The following BRPF1 variants were observed in gnomAD, a reference collection of about 807,000 sequenced individuals.
BRPF1 encodes peregrin.
A neutral mutation model predicts 115.0 loss-of-function variants in BRPF1; 15 were observed. That is an observed-to-expected ratio of 0.13 (90% confidence interval 0.09 to 0.20). The LOEUF (loss-of-function observed/expected upper bound fraction) is 0.20, where lower values mean the gene tolerates loss of function less well. BRPF1 is among the 10% of genes least tolerant of loss of function. BRPF1 has a pLI of 1.00. For missense variants in BRPF1, 1,118 were observed against 1,638.3 expected (o/e 0.68, Z 5.48); for synonymous variants, 647 against 619.8 (o/e 1.04, Z -0.65).
chr3:9,739,788 G>T lies in BRPF1; in HGVS notation c.1389G>T (p.Glu463Asp), dbSNP rs1460862670. ...ARRLPALSHS[E>D]GEEDEDEEED... ...GACTGCCTGCCCTGTCCCACAGCGA[G>T]GGTGAGGAGGATGAAGATGAGGAGG... is the stretch of plus-strand genomic sequence containing the variant. Residue 463 changes from glutamate to aspartate, a missense_variant, in exon 3 of 14, where the codon GAG becomes GAT. This residue lies in a region of BRPF1 where 87 missense variants were observed against 93.4 expected (regional missense o/e 0.93). Coordinates refer to ENST00000383829, the MANE Select transcript of BRPF1 (RefSeq NM_001003694.2). The T allele has an allele frequency of 1.2e-6, 2 of 1,613,566 alleles. No individual in the cohort carries two copies. The highest frequency in any genetic ancestry group is 1.7e-6 in the Non-Finnish European group (2 of 1,179,712).
intron 2 of BRPF1, among the ~76,000 whole-genome samples, chr3:9,736,741 T>TA (rs2076948523): frequency 6.6e-6 from 1 of 152,252 alleles, no homozygotes; most frequent in East Asian, 1.9e-4. Flanking sequence ...CCACTGTTGG[T>TA]AAAACTGCCC....
chr3:9,737,560 GC>G (rs1460753137), intron 2 of BRPF1, among the ~76,000 whole-genome samples: 1 of 152,210 alleles, frequency 6.6e-6, no homozygotes, highest in Non-Finnish European at 1.5e-5. Context: ...GTGTGTGCTG[GC>G]CCACTCTAGC....
At chr3:9,744,529 GC>G in intron 9 of BRPF1, 21 bp downstream of exon 9, 1 of 1,484,102 alleles carries the variant, frequency 6.7e-7, no homozygotes, top group African/African-American at 1.4e-5. Context: ...CCATCACCCA[GC>G]CCCCCAAGAG....
At position 9,746,452 on chromosome 3, in the gene BRPF1, C is replaced by T; in HGVS notation, c.3477C>T (p.Thr1159=). 6.3e-7 allele frequency: 1 copy of T among 1,576,798 alleles called. No individual in the cohort carries two copies. The highest frequency in any genetic ancestry group is 8.7e-7 in the Non-Finnish European group (1 of 1,155,820). Reference sequence around the variant, plus strand: ...TCCTCTTCTTTGACAACAAACGAACCTGGTAAGGAGGGGAGCATTTGGTGT... The same window carrying T: ...TCCTCTTCTTTGACAACAAACGAACTTGGTAAGGAGGGGAGCATTTGGTGT... ...YLVLFFDNKR[T]WQWLPRTKLV... The change falls in exon 13 of 14, where the codon ACC becomes ACT. Residue 1159 remains threonine, a splice_region_variant and synonymous_variant. Transcript: ENST00000383829.
rs1162924901 is a variant in BRPF1 at position 9,745,148 on chromosome 3, C to T, written c.3061C>T (p.Arg1021Trp). 4 of 1,614,062 alleles carry T rather than the reference C, an allele frequency of 2.5e-6. No individual in the cohort carries two copies. Among genetic ancestry groups the T allele is most frequent in the African/African-American group, 1.3e-5 (1 of 75,062 alleles). ...SSSSSSAASD[R>W]TSTTPSKQGR... is the part of the protein sequence containing the mutation. ...TAGCAGTAGCAGCGCTGCTTCAGACCGGACCAGGTACCAGCCCTCCAGATC... is the reference window on the plus strand; with the variant it reads ...TAGCAGTAGCAGCGCTGCTTCAGACTGGACCAGGTACCAGCCCTCCAGATC... Residue 1021 changes from arginine (R) to tryptophan (W), a missense_variant, in exon 10 of 14, where the codon CGG becomes TGG. Transcript: ENST00000383829. The surrounding 1 kb of genome is among the most constrained non-coding windows in gnomAD (Gnocchi z 5.1).
At chr3:9,735,083 G>A (rs1429712883) in intron 2 of BRPF1, among the ~76,000 whole-genome samples, 2 of 148,490 alleles carry the variant, frequency 1.3e-5, no homozygotes, top group African/African-American at 2.5e-5. Context: ...AGTGCAGTTG[G>A]CTCACCCCAA....
chr3:9,735,259 C>T (rs1029995486), intron 2 of BRPF1, among the ~76,000 whole-genome samples: 13 of 152,088 alleles, frequency 8.5e-5, no homozygotes, highest in African/African-American at 2.9e-4. Flanking sequence ...GTGATCCACC[C>T]ACCTCAGCCT....
At chr3:9,737,931 C>G (rs1021906942) in intron 2 of BRPF1, among the ~76,000 whole-genome samples, 7 of 152,114 alleles carry the variant, frequency 4.6e-5, no homozygotes, top group African/African-American at 1.4e-4. Context: ...GTAGTATTAT[C>G]CTCGTTCTGT....
chr3:9,742,453 C>T, intron 6 of BRPF1: 1 of 985,436 alleles, frequency 1.0e-6, no homozygotes, highest in Non-Finnish European at 1.2e-6. Flanking sequence ...GGGTGCTGAA[C>T]CCTAGAACGG....
At position 9,745,270 on chromosome 3, in the gene BRPF1, T is replaced by A; in HGVS notation, c.3068+115T>A. On this transcript the variant is annotated intron_variant, in intron 10 of 13. Transcript: ENST00000383829. This position sits in a 1 kb window ranked among gnomAD's most constrained non-coding sequence, Gnocchi z 5.1. ...GCAGCCATCTCAGTCTAGATTAAGA[T>A]GGCTCAAACTCAAGGTTCTCTGCTA... is the stretch of plus-strand genomic sequence containing the variant. 7.8e-7 allele frequency: 1 copy of A among 1,274,300 alleles called. No individual in the cohort carries two copies. The highest frequency in any genetic ancestry group is 1.1e-6 in the Non-Finnish European group (1 of 936,572). The allele number at this position is 1,274,300 out of a possible 1,614,324, so 78.9% of individuals were successfully genotyped here.
At chr3:9,735,754 G>A (rs751941444) in intron 2 of BRPF1, among the ~76,000 whole-genome samples, 1 of 152,248 alleles carries the variant, frequency 6.6e-6, no homozygotes, top group East Asian at 1.9e-4. Context: ...GAAGGGATAT[G>A]GGGGGCAGTG....
chr3:9,734,766 T>A lies in BRPF1; in HGVS notation c.599+27T>A, dbSNP rs1291189780. The A allele has an allele frequency of 1.9e-6, 3 of 1,609,742 alleles. No individual in the cohort carries two copies. In the South Asian group the frequency reaches 3.3e-5, roughly 18 times the overall value. ...TAAGGCCACCTCTACCTTGCAGCTC[T>A]GGAAAACTGGTCAAGCAGGGCTCAC... On this transcript the variant is annotated intron_variant, in intron 2 of 13. Transcript: ENST00000383829. This position sits in a 1 kb window ranked among gnomAD's most constrained non-coding sequence, Gnocchi z 5.7.
intron 1 of BRPF1, chr3:9,732,635 G>A (rs2076874121): frequency 6.6e-6 from 1 of 152,276 alleles, no homozygotes; most frequent in Non-Finnish European, 1.5e-5. Context: ...AGCTTGGAAA[G>A]AGGAGAGCTT....
chr3:9,744,288 C>T lies in BRPF1; in HGVS notation c.2700C>T (p.Phe900=). 5 of 1,611,168 alleles carry T rather than the reference C, an allele frequency of 3.1e-6. No homozygotes were observed. Among genetic ancestry groups the T allele is most frequent in the Non-Finnish European group, 4.2e-6 (5 of 1,178,464 alleles). ...TGGGCAGGAGAACCTCAGTTCTGTT[C>T]TCCAAAAAGAACCCGAAGACAGCTG... The part of the protein sequence containing the change: ...HEVGRRTSVL[F]SKKNPKTAGP... The change falls in exon 9 of 14, where the codon TTC becomes TTT. Residue 900 remains phenylalanine, a synonymous_variant. Transcript: ENST00000383829.
At chr3:9,744,170 C>T (rs769076930) in intron 8 of BRPF1, 54 bp from the exon 9 acceptor site, 7 of 1,497,516 alleles carry the variant, frequency 4.7e-6, no homozygotes, top group Non-Finnish European at 6.3e-6. Context: ...TGGATATCTA[C>T]CCTTCTCAAA....
Position 9,745,864 on chromosome 3 carries a change from C to T in BRPF1, c.3258C>T (p.Asp1086=), listed in dbSNP as rs1444976914. 20 of 1,614,164 alleles carry T rather than the reference C, an allele frequency of 1.2e-5. No individual in the cohort carries two copies. The highest frequency in any genetic ancestry group is 1.7e-5 in the Non-Finnish European group (20 of 1,180,034). ...CTGGCTGGCTGTCAGAGGATGAGGA[C>T]TCCCCGCTGGATGCTCTGGACCTCG... is the stretch of plus-strand genomic sequence containing the variant. ...RGAGWLSEDE[D]SPLDALDLVW... is the part of the protein sequence containing the mutation. The change falls in exon 12 of 14, where the codon GAC becomes GAT. Residue 1086 remains aspartate, a synonymous_variant. Coordinates refer to ENST00000383829, the MANE Select transcript of BRPF1 (RefSeq NM_001003694.2). This position sits in a 1 kb window ranked among gnomAD's most constrained non-coding sequence, Gnocchi z 5.1.
intron 2 of BRPF1, among the ~76,000 whole-genome samples, chr3:9,735,455 C>T (rs765523936): frequency 7.9e-5 from 12 of 152,192 alleles, no homozygotes; most frequent in Non-Finnish European, 1.5e-4. Context: ...TTATGCATGA[C>T]CTTGGGAAAT....
In BRPF1 at chr3:9,739,108, G is replaced by A. The variant is rs758025142; in HGVS notation, c.709G>A (p.Val237Ile). 1.2e-6 allele frequency: 2 copies of A among 1,614,076 alleles called. No individual in the cohort carries two copies. Among genetic ancestry groups the A allele is most frequent in the African/African-American group, 1.3e-5 (1 of 75,052 alleles). Residue 237 changes from valine (V) to isoleucine (I), a missense_variant, in exon 3 of 14, where the codon GTA becomes ATA. By Grantham distance (29) the Val-to-Ile change is conservative (BLOSUM62 3). Coordinates refer to ENST00000383829, the MANE Select transcript of BRPF1 (RefSeq NM_001003694.2). ...GAATGAGCGTCGGAAGACAGAGGGT[G>A]TAAGTCCCATCCCGCAGGAGATCTT... ...IMNERRKTEG[V>I]SPIPQEIFEY...
intron 2 of BRPF1, 92 bp from the exon 3 acceptor site, chr3:9,738,907 C>T: frequency 8.2e-7 from 1 of 1,217,324 alleles, no homozygotes; most frequent in Non-Finnish European, 1.1e-6. Context: ...AGGGCATAGG[C>T]ACAGAGTAAG....
Sources: gnomAD v4.1 joint callset for allele counts (sites outside exome capture counted in the v4.1 genomes callset) on GRCh38, gnomAD v4.1.1 for gene constraint, gnomAD v4.1.1 regional missense constraint, Gnocchi (gnomAD v3.1) non-coding constraint, MANE v1.5 for transcripts, NCBI Gene and HGNC (gene_info 2026-07-23, HGNC 2026-07-21) for gene names.